DPP6: variants seen among roughly 807,000 people sequenced by gnomAD.
DPP6 encodes dipeptidyl peptidase like 6, also known as A-type potassium channel modulatory protein DPP6.
In DPP6, 69 loss-of-function variants were observed where a neutral mutation model predicts 122.6. The observed-to-expected ratio is 0.56, with a 90% confidence interval of 0.46 to 0.69. DPP6 has a LOEUF of 0.69. Ranked by LOEUF, DPP6 falls within the 30% of genes least tolerant of loss-of-function variation. The pLI is 0.00. For synonymous variants in DPP6, 418 were observed against 433.1 expected, an observed-to-expected ratio of 0.97 and a Z score of 0.43; for missense variants, 928 against 1,116.9, an observed-to-expected ratio of 0.83 and a Z score of 2.41.
intron 1 of DPP6, among the ~76,000 whole-genome samples, chr7:153,934,891 AC>A (rs1288522080): frequency 6.6e-6 from 1 of 152,220 alleles, no homozygotes; most frequent in Non-Finnish European, 1.5e-5. Context: ...ATGAGCCGAC[AC>A]TGCCAGTACC....
intron 3 of DPP6, among the ~76,000 whole-genome samples, chr7:154,488,729 T>A (rs1233381719): frequency 6.6e-6 from 1 of 152,252 alleles, no homozygotes; most frequent in African/African-American, 2.4e-5. Context: ...ATCTTCCAAC[T>A]GGATGGGGCC....
intron 1 of DPP6, among the ~76,000 whole-genome samples, chr7:154,060,259 A>AC (rs1223282536): frequency 3.5e-5 from 4 of 113,762 alleles, no homozygotes; most frequent in African/African-American, 1.4e-4. Flanking sequence ...GGGCGGAGGC[A>AC]CCCCCCGCGA....
At chr7:154,000,566 C>A (rs1797643506) in intron 1 of DPP6, among the ~76,000 whole-genome samples, 1 of 152,212 alleles carries the variant, frequency 6.6e-6, no homozygotes, top group East Asian at 1.9e-4. Flanking sequence ...AAGTTGGCAC[C>A]AGCCAGGCTG....
intron 6 of DPP6, among the ~76,000 whole-genome samples, chr7:154,654,125 G>A (rs986109118): frequency 1.3e-5 from 2 of 152,140 alleles, no homozygotes; most frequent in African/African-American, 2.4e-5. Flanking sequence ...GTGGCTTAAA[G>A]GATACGGGAG....
chr7:154,732,269 G>A (rs505245), intron 8 of DPP6, among the ~76,000 whole-genome samples: 105,994 of 151,794 alleles, frequency 0.7, 37,439 homozygotes, highest in African/African-American at 0.8. Context: ...GATGGTCTCA[G>A]TCATCTTCGT....
intron 1 of DPP6, among the ~76,000 whole-genome samples, chr7:154,234,197 GACA>G (rs1201099777): frequency 2.6e-5 from 4 of 152,152 alleles, no homozygotes; most frequent in Admixed American, 2.6e-4. Context: ...GGAAAAAGGT[GACA>G]ACTTGAAAAT....
chr7:154,075,024 A>T (rs888662754), intron 1 of DPP6, among the ~76,000 whole-genome samples: 1 of 151,918 alleles, frequency 6.6e-6, no homozygotes, highest in Non-Finnish European at 1.5e-5. Context: ...AAAAGAAGGT[A>T]TACAAATGGC....
the DPP6 span, among the ~76,000 whole-genome samples, chr7:153,859,692 C>T: frequency 6.6e-6 from 1 of 152,164 alleles, no homozygotes; most frequent in East Asian, 1.9e-4. Flanking sequence ...AATACCCAGA[C>T]TGGGTAATTT....
chr7:154,577,238 A>AC (rs1182140731), intron 5 of DPP6, among the ~76,000 whole-genome samples: 1 of 150,984 alleles, frequency 6.6e-6, no homozygotes, highest in Non-Finnish European at 1.5e-5. Context: ...GTGGGGAAGG[A>AC]CCCCCCTGTC....
At chr7:154,248,958 G>A (rs1410579869) in intron 1 of DPP6, among the ~76,000 whole-genome samples, 1 of 152,158 alleles carries the variant, frequency 6.6e-6, no homozygotes, top group Non-Finnish European at 1.5e-5. Context: ...AGAAAAAGGG[G>A]ACATGTCTTG....
At chr7:154,799,728 C>T (rs1798243793) in intron 12 of DPP6, among the ~76,000 whole-genome samples, 1 of 152,188 alleles carries the variant, frequency 6.6e-6, no homozygotes. Flanking sequence ...TTGAGGAAAC[C>T]AGGCATTGTG....
chr7:154,304,835 C>T (rs1806149739), intron 1 of DPP6, among the ~76,000 whole-genome samples: 1 of 152,308 alleles, frequency 6.6e-6, no homozygotes, highest in African/African-American at 2.4e-5. Context: ...CAAGAAAAAA[C>T]AAAGGGCATC....
rs1396952759 is a variant in DPP6, at chr7:153,913,220, A to T, written c.51+25486A>T. Among the ~76,000 whole-genome samples, 10 of 152,128 alleles carry T rather than the reference A, an allele frequency of 6.6e-5. No individual in the cohort carries two copies. In the South Asian group the frequency reaches 2.1e-3, roughly 31 times the overall value. On this transcript the variant is annotated intron_variant, in intron 1 of 25. Transcript: ENST00000404039. ...CTCCTAAGTAGCCGGGATTACAGGC[A>T]AGCACCACCATGCTCAGCTAATTTT...
At position 154,602,743 on chromosome 7, in the gene DPP6, C is replaced by A. The variant is rs990056302; in HGVS notation, c.628-35078C>A. ...AGCATGCCTGGCCTATTTCTTAATTCTTAATCCTTTTTTTTTTTTTTTGAG... is the reference window on the plus strand; with the variant it reads ...AGCATGCCTGGCCTATTTCTTAATTATTAATCCTTTTTTTTTTTTTTTGAG... On this transcript the variant is annotated intron_variant, in intron 5 of 25. Transcript: ENST00000377770. Among the ~76,000 whole-genome samples the A allele has an allele frequency of 2.8e-5, 2 of 72,066 alleles. 1 individual carries two copies. The highest frequency in any genetic ancestry group is 7.1e-5 in the Non-Finnish European group (2 of 28,200). The allele number at this position is 72,066 out of a possible 152,430, so 47.3% of individuals were successfully genotyped here.
At chr7:154,862,654 C>T (rs1394429947) in intron 17 of DPP6, among the ~76,000 whole-genome samples, 1 of 152,224 alleles carries the variant, frequency 6.6e-6, no homozygotes, top group African/African-American at 2.4e-5. Flanking sequence ...AGGCTGGGCA[C>T]TGTGCCAGCC....
chr7:154,446,317 T>G lies in DPP6; in HGVS notation c.347T>G (p.Leu116Arg). ...TCCTTGATCGTCACCTCGGTCATAC[T>G]TCTGACACCAGGTACTGTATTCATT... Reference protein sequence around the residue: ...ICSLIVTSVILLTPAEDNSLS... With the variant: ...ICSLIVTSVIRLTPAEDNSLS... Residue 116 changes from leucine (L) to arginine (R), a missense_variant, in exon 2 of 26, where the codon CTT (leucine) becomes CGT (arginine). By Grantham distance (102) the Leu-to-Arg change is moderately radical. Coordinates refer to ENST00000377770, the MANE Select transcript of DPP6 (RefSeq NM_130797.4). 3 of 1,611,896 alleles carry G rather than the reference T, an allele frequency of 1.9e-6. No homozygotes were observed. Among genetic ancestry groups the G allele is most frequent in the Non-Finnish European group, 2.5e-6 (3 of 1,178,496 alleles).
At chr7:154,857,529 T>G (rs184268483) in intron 17 of DPP6, among the ~76,000 whole-genome samples, 33 of 152,366 alleles carry the variant, frequency 2.2e-4, no homozygotes, top group Non-Finnish European at 4.4e-4. Context: ...GTGTTTACCT[T>G]TTGATATGTC....
At chr7:154,581,390 GC>G (rs1832059330) in intron 5 of DPP6, among the ~76,000 whole-genome samples, 1 of 152,132 alleles carries the variant, frequency 6.6e-6, no homozygotes, top group Non-Finnish European at 1.5e-5. Context: ...GCCTGGAAGG[GC>G]CAGGGAACCC....
chr7:154,301,786 CTTTTTTTTTTTTTT>C (rs869114137), intron 1 of DPP6, among the ~76,000 whole-genome samples: 3 of 119,810 alleles, frequency 2.5e-5, no homozygotes, highest in Non-Finnish European at 5.2e-5. Context: ...GATCTGCCCT[CTTTTTTTTTTTTTT>C]TTTTTTTTTT....
Sources: gnomAD v4.1 joint callset for allele counts (sites outside exome capture counted in the v4.1 genomes callset) on GRCh38, gnomAD v4.1.1 for gene constraint, MANE v1.5 for transcripts, NCBI Gene and HGNC (gene_info 2026-07-23, HGNC 2026-07-21) for gene names.